CERS3: variants seen among roughly 807,000 people sequenced by gnomAD.
CERS3 encodes ceramide synthase 3.
Under a neutral mutation model 50.3 loss-of-function variants are expected in CERS3, and 33 were observed. That is an observed-to-expected ratio of 0.66 (90% CI 0.50 to 0.88). CERS3 has a LOEUF of 0.88. Ranked by LOEUF, CERS3 falls within the 40% of genes least tolerant of loss-of-function variation. The pLI is 0.00. For synonymous variants in CERS3, 176 were observed against 155.2 expected, an observed-to-expected ratio of 1.13 and a Z score of -0.99; for missense variants, 470 against 460.3, an observed-to-expected ratio of 1.02 and a Z score of -0.19.
At chr15:100,481,025 T>C (rs899862468) in intron 5 of CERS3, among the ~76,000 whole-genome samples, 90 of 152,230 alleles carry the variant, frequency 5.9e-4, no homozygotes, top group Non-Finnish European at 1.0e-4. Context: ...TATCTAATGA[T>C]TGCTGGAGAA....
chr15:100,442,660 CT>C lies in CERS3; in HGVS notation c.999+13232del, dbSNP rs1158508539. Among the ~76,000 whole-genome samples, 3 of 152,150 alleles carry C rather than the reference CT, an allele frequency of 2.0e-5. No homozygotes were observed. The East Asian group carries it at 5.8e-4, about 29-fold the overall frequency. ...ATGCGGGACCCCACTGAAAATCAGA[CT>C]GTTCAACTCACCTGGCAGCCACTCC... On this transcript the variant is annotated intron_variant, in intron 11 of 11. Transcript: ENST00000679737.
At chr15:100,466,750 T>G (rs142677061) in intron 10 of CERS3, among the ~76,000 whole-genome samples, 595 of 19,280 alleles carry the variant, frequency 0.031, 3 homozygotes, top group African/African-American at 0.06. Context: ...CCTTCCTTCC[T>G]TCCTTCCTTC....
intron 11 of CERS3, among the ~76,000 whole-genome samples, chr15:100,406,757 G>T (rs1439992358): frequency 6.6e-6 from 1 of 152,170 alleles, no homozygotes; most frequent in Non-Finnish European, 1.5e-5. Context: ...TTTCTCAAAA[G>T]ATTTCTGTAG....
intron 11 of CERS3, among the ~76,000 whole-genome samples, chr15:100,410,947 A>G (rs76803737): frequency 0.012 from 1,825 of 152,238 alleles, 47 homozygotes; most frequent in African/African-American, 0.042. Context: ...GAAATTCTGT[A>G]CCCATTAACA....
intron 11 of CERS3, among the ~76,000 whole-genome samples, chr15:100,409,472 T>C (rs1282877627): frequency 3.3e-5 from 5 of 152,080 alleles, no homozygotes; most frequent in Non-Finnish European, 5.9e-5. Flanking sequence ...CCACCACCCA[T>C]ATTCTGAGAA....
rs1441549558 is a variant in CERS3 at position 100,416,933 on chromosome 15, C to G, written c.1000-14068G>C. 4.6e-5 allele frequency among the ~76,000 whole-genome samples: 7 copies of G among 152,084 alleles called. No homozygotes were observed. In the South Asian group the frequency reaches 8.3e-4, roughly 18 times the overall value. On this transcript the variant is annotated intron_variant, in intron 11 of 11. Transcript: ENST00000679737. Reference sequence around the variant, plus strand: ...GCAAAAGACAAGAACAGATATTTCTCAAAAGAAAACGTACATGCAGCCAAC... The same window carrying G: ...GCAAAAGACAAGAACAGATATTTCTGAAAAGAAAACGTACATGCAGCCAAC...
At chr15:100,538,882 C>A (rs1256273927) in intron 1 of CERS3, among the ~76,000 whole-genome samples, 3 of 152,206 alleles carry the variant, frequency 2.0e-5, no homozygotes, top group Non-Finnish European at 4.4e-5. Context: ...GTATGCTCTG[C>A]AATTCTTTTA....
At chr15:100,482,369 A>T (rs1001723354) in intron 5 of CERS3, among the ~76,000 whole-genome samples, 2 of 152,070 alleles carry the variant, frequency 1.3e-5, no homozygotes, top group South Asian at 4.1e-4. Flanking sequence ...GTGGTGAGAG[A>T]CACTGCTGGG....
intron 11 of CERS3, among the ~76,000 whole-genome samples, chr15:100,444,901 C>T (rs1356246023): frequency 1.3e-5 from 2 of 152,146 alleles, no homozygotes; most frequent in Non-Finnish European, 2.9e-5. Flanking sequence ...CTATATAGTC[C>T]AATAGCAGAC....
chr15:100,458,161 T>C (rs2034435912), intron 10 of CERS3, among the ~76,000 whole-genome samples: 1 of 152,216 alleles, frequency 6.6e-6, no homozygotes, highest in Non-Finnish European at 1.5e-5. Context: ...TATGAAATAG[T>C]TTCAAAATTT....
intron 11 of CERS3, among the ~76,000 whole-genome samples, chr15:100,444,375 G>A (rs975969522): frequency 1.5e-3 from 6 of 4,106 alleles, no homozygotes; most frequent in Non-Finnish European, 0.014. Flanking sequence ...ACATTATTCC[G>A]GATACACACC....
chr15:100,538,240 G>C (rs1421072074), intron 1 of CERS3, among the ~76,000 whole-genome samples: 1 of 152,180 alleles, frequency 6.6e-6, no homozygotes, highest in African/African-American at 2.4e-5. Context: ...GGAGCACAGT[G>C]CAAGCTGCCA....
chr15:100,432,663 G>T (rs2033192735), intron 11 of CERS3, among the ~76,000 whole-genome samples: 1 of 152,168 alleles, frequency 6.6e-6, no homozygotes, highest in South Asian at 2.1e-4. Flanking sequence ...GGATAAAATA[G>T]AACAAGAGAG....
intron 11 of CERS3, among the ~76,000 whole-genome samples, chr15:100,448,116 AT>A (rs1470091960): frequency 9.2e-5 from 14 of 152,224 alleles, no homozygotes; most frequent in African/African-American, 3.4e-4. Flanking sequence ...GCTCTGAAGT[AT>A]TATTCAATTA....
intron 3 of CERS3, among the ~76,000 whole-genome samples, chr15:100,501,433 G>A (rs1204644783): frequency 6.6e-6 from 1 of 152,138 alleles, no homozygotes; most frequent in East Asian, 1.9e-4. Context: ...TCTTGATCTT[G>A]ATTTTCTTCG....
At chr15:100,438,097 T>G (rs1220633230) in intron 11 of CERS3, among the ~76,000 whole-genome samples, 2 of 134,860 alleles carry the variant, frequency 1.5e-5, no homozygotes, top group African/African-American at 5.6e-5. Context: ...TGGAGTGGAG[T>G]GCAGTGGTGT....
chr15:100,513,409 G>T (rs11634792), intron 2 of CERS3, among the ~76,000 whole-genome samples: 49,203 of 151,952 alleles, frequency 0.32, 8,127 homozygotes, highest in East Asian at 0.37. Flanking sequence ...AGGAGGGCCC[G>T]GGGCGGTTGG....
rs2030505792 is a variant in CERS3 at position 100,401,275 on chromosome 15, C to A, written c.*1438G>T. 1 of 152,256 alleles carries A rather than the reference C, an allele frequency of 6.6e-6. No homozygotes were observed. Among genetic ancestry groups the A allele is most frequent in the African/African-American group, 2.4e-5 (1 of 41,446 alleles). The allele number at this position is 152,256 out of a possible 1,614,324, so 9.4% of individuals were successfully genotyped here. A position where few individuals can be genotyped will look rare whatever the true frequency, so the allele number is the denominator to read the frequency against. ...GGTGAGGACAGATGCAGATTTTACT[C>A]AGGGTCTTCCTTGGGAAGGCCTGGC... On this transcript the variant is annotated 3_prime_UTR_variant, in exon 12 of 12. Coordinates refer to ENST00000679737, the MANE Select transcript of CERS3 (RefSeq NM_001378789.1).
chr15:100,485,499 T>C (rs974423034), intron 4 of CERS3, among the ~76,000 whole-genome samples: 7 of 152,218 alleles, frequency 4.6e-5, no homozygotes, highest in Non-Finnish European at 8.8e-5. Context: ...TTTAAACCTA[T>C]GGTAACCTTC....
Sources: gnomAD v4.1 joint callset for allele counts (sites outside exome capture counted in the v4.1 genomes callset) on GRCh38, gnomAD v4.1.1 for gene constraint, MANE v1.5 for transcripts, NCBI Gene and HGNC (gene_info 2026-07-23, HGNC 2026-07-21) for gene names.